MYO5B: variants seen among roughly 807,000 people sequenced by gnomAD.
The protein encoded by MYO5B is myosin VB.
In MYO5B, 143 loss-of-function variants were observed where a neutral mutation model predicts 229.3. The observed-to-expected ratio is 0.62, with a 90% CI of 0.54 to 0.72. The LOEUF is 0.72. MYO5B is among the 30% of genes least tolerant of loss of function. MYO5B has a pLI of 0.00. For synonymous variants in MYO5B, 918 were observed against 885.2 expected (o/e 1.04, Z -0.66); for missense variants, 2,321 against 2,331.0 (o/e 1.00, Z 0.09).
chr18:50,085,368 C>G (rs2031308493), intron 1 of MYO5B, among the ~76,000 whole-genome samples: 1 of 152,136 alleles, frequency 6.6e-6, no homozygotes, highest in Non-Finnish European at 1.5e-5. Flanking sequence ...CAATGAGATA[C>G]CATCTCACAC....
chr18:50,119,468 C>T (rs1310083990), intron 1 of MYO5B, among the ~76,000 whole-genome samples: 1 of 152,150 alleles, frequency 6.6e-6, no homozygotes, highest in African/African-American at 2.4e-5. Context: ...AGAGTAATCT[C>T]GTGGGCTGTA....
At chr18:50,101,785 T>C (rs1025880885) in intron 1 of MYO5B, among the ~76,000 whole-genome samples, 1 of 152,198 alleles carries the variant, frequency 6.6e-6, no homozygotes, top group Non-Finnish European at 1.5e-5. Context: ...TTTACACTGT[T>C]GATGGGAATG....
intron 1 of MYO5B, among the ~76,000 whole-genome samples, chr18:50,078,628 T>C (rs533212289): frequency 6.6e-6 from 1 of 152,346 alleles, no homozygotes; most frequent in East Asian, 1.9e-4. Context: ...CAAGCCTTTA[T>C]TTTTATGAAC....
rs183893734 is a variant in MYO5B, at chr18:49,931,282, C to T, written c.2004-1684G>A. ...GGCAACACTCCACGTTGCACATCAG[C>T]CCTGGGTCTCATCCCATGAGACACC... On this transcript the variant is annotated intron_variant, in intron 16 of 39. Coordinates refer to ENST00000285039, the MANE Select transcript of MYO5B (RefSeq NM_001080467.3). Among the ~76,000 whole-genome samples the T allele has an allele frequency of 6.0e-3, 918 of 152,222 alleles. 6 individuals carry two copies. Among genetic ancestry groups the T allele is most frequent in the Non-Finnish European group, 7.3e-3 (498 of 68,010 alleles).
chr18:49,835,430 G>T lies in MYO5B; in HGVS notation c.5314-6C>A, dbSNP rs758118473. The T allele has an allele frequency of 3.1e-6, 5 of 1,605,182 alleles. No individual in the cohort carries two copies. The highest frequency in any genetic ancestry group is 4.3e-6 in the Non-Finnish European group (5 of 1,172,244). On this transcript the variant is annotated splice_polypyrimidine_tract_variant and splice_region_variant and intron_variant, in intron 38 of 39. Coordinates refer to ENST00000285039, the MANE Select transcript of MYO5B (RefSeq NM_001080467.3). Reference sequence around the variant, plus strand: ...AGGTTTAAAATTTTGACAATCTGTTGGGGATAAAAACGGAATTTAGCACAG... The same window carrying T: ...AGGTTTAAAATTTTGACAATCTGTTTGGGATAAAAACGGAATTTAGCACAG...
intron 17 of MYO5B, 95 bp downstream of exon 17, chr18:49,929,417 T>A (rs2025164530): frequency 1.0e-6 from 1 of 990,192 alleles, no homozygotes; most frequent in Admixed American, 2.3e-5. Context: ...GAAGGATCTG[T>A]TTCTGGCCGA....
At chr18:50,052,284 A>C (rs1276818860) in intron 2 of MYO5B, among the ~76,000 whole-genome samples, 1 of 151,766 alleles carries the variant, frequency 6.6e-6, no homozygotes, top group Non-Finnish European at 1.5e-5. Context: ...TATTCACAAT[A>C]GCAAAGACTT....
intron 5 of MYO5B, among the ~76,000 whole-genome samples, chr18:49,995,256 C>CT (rs2025975014): frequency 6.9e-5 from 3 of 43,234 alleles, no homozygotes; most frequent in Non-Finnish European, 1.4e-4. Context: ...TCACTTATAT[C>CT]CTTTTTTTTT....
At chr18:50,160,399 A>C (rs1480833283) in intron 1 of MYO5B, among the ~76,000 whole-genome samples, 1 of 152,248 alleles carries the variant, frequency 6.6e-6, no homozygotes, top group Admixed American at 6.5e-5. Flanking sequence ...GATGATGGAA[A>C]GCAGAGGTTC....
At chr18:50,013,973 G>T (rs961930317) in intron 4 of MYO5B, among the ~76,000 whole-genome samples, 1 of 152,160 alleles carries the variant, frequency 6.6e-6, no homozygotes, top group Non-Finnish European at 1.5e-5. Flanking sequence ...TGCTTGCTGA[G>T]TCACCATGGA....
chr18:50,014,273 G>A (rs1194238174), intron 4 of MYO5B, among the ~76,000 whole-genome samples: 340 of 23,508 alleles, frequency 0.014, 6 homozygotes, highest in Non-Finnish European at 7.1e-3. Context: ...AAATGGATGA[G>A]AAAGGAAAAA....
At chr18:50,131,408 A>C (rs887558423) in intron 1 of MYO5B, among the ~76,000 whole-genome samples, 2 of 152,130 alleles carry the variant, frequency 1.3e-5, no homozygotes, top group Non-Finnish European at 1.5e-5. Flanking sequence ...CCCTATCAAA[A>C]ATGGCCTCAT....
intron 4 of MYO5B, among the ~76,000 whole-genome samples, chr18:50,028,929 T>C (rs1053200184): frequency 1.3e-5 from 2 of 152,242 alleles, no homozygotes; most frequent in Non-Finnish European, 2.9e-5. Flanking sequence ...TAATAATATT[T>C]ATGACCTCTG....
intron 27 of MYO5B, among the ~76,000 whole-genome samples, chr18:49,867,597 G>A (rs1251809021): frequency 6.6e-6 from 1 of 152,162 alleles, no homozygotes; most frequent in Non-Finnish European, 1.5e-5. Flanking sequence ...GAGTTTGGGT[G>A]TCTATTTCTT....
intron 1 of MYO5B, among the ~76,000 whole-genome samples, chr18:50,072,626 T>C (rs1166605317): frequency 6.6e-6 from 1 of 152,210 alleles, no homozygotes. Context: ...GGGCATGAGA[T>C]GACAGCACCA....
At chr18:50,166,618 A>G (rs1213738506) in intron 1 of MYO5B, among the ~76,000 whole-genome samples, 2 of 152,200 alleles carry the variant, frequency 1.3e-5, no homozygotes, top group Admixed American at 6.5e-5. Flanking sequence ...TTTAAGCTGC[A>G]TAGTACACAA....
intron 39 of MYO5B, among the ~76,000 whole-genome samples, chr18:49,830,115 A>G (rs1473233033): frequency 1.3e-5 from 2 of 150,524 alleles, no homozygotes; most frequent in African/African-American, 2.5e-5. Context: ...TGCAGACAAC[A>G]TATCTTACAT....
In MYO5B at chr18:49,980,479, G is replaced by A. The variant is rs776708126; in HGVS notation, c.1021C>T (p.Gln341Ter). 8 of 1,613,670 alleles carry A rather than the reference G, an allele frequency of 5.0e-6. No homozygotes were observed. In the East Asian group the frequency reaches 1.3e-4, roughly 27 times the overall value. ...CAGGAATCACCATCACGCTCAGCCT[G>A]AATCGCCACACTTCCAAGGTGCAAG... ...SILHLGSVAI[Q>*]AERDGDSCSI... Residue 341 changes from glutamine to a stop codon, truncating the protein, a stop_gained, in exon 9 of 40, where the codon CAG becomes TAG. Transcript: ENST00000285039. LOFTEE classifies it high-confidence loss of function.
chr18:50,127,359 C>T (rs184230640), intron 1 of MYO5B, among the ~76,000 whole-genome samples: 61 of 152,270 alleles, frequency 4.0e-4, no homozygotes, highest in African/African-American at 1.4e-3. Flanking sequence ...AAGTTTTGAA[C>T]GCTTCACTTT....
Sources: allele counts gnomAD v4.1 joint callset (sites outside exome capture counted in the v4.1 genomes callset), GRCh38; gene constraint gnomAD v4.1.1; transcripts MANE v1.5; gene names NCBI Gene and HGNC (gene_info 2026-07-23, HGNC 2026-07-21).